MACROD2: variants seen among roughly 807,000 people sequenced by gnomAD.
The protein encoded by MACROD2 is ADP-ribose glycohydrolase MACROD2.
Under a neutral mutation model 70.4 loss-of-function variants are expected in MACROD2, and 36 were observed. The observed-to-expected ratio is 0.51, with a 90% CI of 0.39 to 0.68. The LOEUF (loss-of-function observed/expected upper bound fraction) is 0.68. Ranked by LOEUF, MACROD2 falls within the 30% of genes least tolerant of loss-of-function variation. The pLI, the probability that MACROD2 is intolerant of heterozygous loss-of-function variation, is 0.00. For missense variants in MACROD2, 496 were observed against 538.4 expected, an observed-to-expected ratio of 0.92 and a Z score of 0.78; for synonymous variants, 172 against 178.8, an observed-to-expected ratio of 0.96 and a Z score of 0.30.
At chr20:15,442,833 C>G (rs756732155) in intron 7 of MACROD2, among the ~76,000 whole-genome samples, 1 of 152,084 alleles carries the variant, frequency 6.6e-6, no homozygotes, top group Non-Finnish European at 1.5e-5. Flanking sequence ...ACTTGCTTTG[C>G]AAGAATATTT....
chr20:14,579,546 A>G lies in MACROD2; in HGVS notation c.301+86038A>G, dbSNP rs1003945993. On this transcript the variant is annotated intron_variant, in intron 4 of 17. Coordinates refer to ENST00000684519, the MANE Select transcript of MACROD2 (RefSeq NM_001351661.2). ...ACTTGCTTTGTGTGCTTTTGAGGGA[A>G]AAACCGTTTCGATATTTGAGTAATA... 3.3e-5 allele frequency among the ~76,000 whole-genome samples: 5 copies of G among 152,350 alleles called. No homozygotes were observed. The East Asian group carries it at 9.6e-4, about 29-fold the overall frequency.
At chr20:14,202,887 A>G (rs949637030) in intron 3 of MACROD2, among the ~76,000 whole-genome samples, 9 of 152,262 alleles carry the variant, frequency 5.9e-5, no homozygotes, top group Admixed American at 5.2e-4. Flanking sequence ...CGTCTCTATT[A>G]AAAATACAAA....
chr20:14,882,971 C>T (rs1389392841), intron 5 of MACROD2, among the ~76,000 whole-genome samples: 1 of 152,114 alleles, frequency 6.6e-6, no homozygotes, highest in African/African-American at 2.4e-5. Flanking sequence ...AGAATGGCCA[C>T]ATTTTTGTGA....
chr20:15,356,839 T>C lies in MACROD2; in HGVS notation c.541-74566T>C, dbSNP rs2078292794. On this transcript the variant is annotated intron_variant, in intron 6 of 17. Coordinates refer to ENST00000684519, the MANE Select transcript of MACROD2 (RefSeq NM_001351661.2). ...AAAATTTTCAGTAGGAAAATAATGATAATTTGTCCTGTAGCCAAATACTGT... is the reference window on the plus strand; with the variant it reads ...AAAATTTTCAGTAGGAAAATAATGACAATTTGTCCTGTAGCCAAATACTGT... Among the ~76,000 whole-genome samples the C allele has an allele frequency of 3.3e-5, 5 of 152,342 alleles. 1 individual carries two copies. In the South Asian group the frequency reaches 1.0e-3, roughly 32 times the overall value.
chr20:15,497,493 T>G (rs577443167), intron 7 of MACROD2, among the ~76,000 whole-genome samples: 2 of 152,278 alleles, frequency 1.3e-5, no homozygotes, highest in East Asian at 3.9e-4. Flanking sequence ...GGTTTCAGCA[T>G]CTTGGCCAGG....
chr20:15,062,129 G>T (rs1443261458), intron 5 of MACROD2, among the ~76,000 whole-genome samples: 3 of 152,152 alleles, frequency 2.0e-5, no homozygotes, highest in Non-Finnish European at 4.4e-5. Flanking sequence ...GCTTCTAGTG[G>T]AAAGGAATTT....
At chr20:15,142,497 C>A (rs1456246421) in intron 5 of MACROD2, among the ~76,000 whole-genome samples, 1 of 151,600 alleles carries the variant, frequency 6.6e-6, no homozygotes, top group Non-Finnish European at 1.5e-5. Flanking sequence ...TTGTTATTTT[C>A]CATTTTTACT....
chr20:15,337,368 T>C (rs1436917943), intron 6 of MACROD2, among the ~76,000 whole-genome samples: 1 of 151,734 alleles, frequency 6.6e-6, no homozygotes, highest in African/African-American at 2.4e-5. Flanking sequence ...CTTCTTGACA[T>C]TTACTTGAGA....
At chr20:15,767,198 T>C (rs2051542394) in intron 8 of MACROD2, among the ~76,000 whole-genome samples, 1 of 152,250 alleles carries the variant, frequency 6.6e-6, no homozygotes, top group Admixed American at 6.5e-5. Context: ...GATTTTATGT[T>C]TTCTCTTTCG....
intron 5 of MACROD2, among the ~76,000 whole-genome samples, chr20:14,990,515 C>CTTT (rs541686087): frequency 2.3e-5 from 3 of 129,350 alleles, no homozygotes; most frequent in Admixed American, 8.0e-5. Context: ...TTTTCTTTTT[C>CTTT]TTTTTTTTTT....
chr20:15,459,299 TC>T (rs2046776451), intron 7 of MACROD2, among the ~76,000 whole-genome samples: 1 of 151,986 alleles, frequency 6.6e-6, no homozygotes. Context: ...TCCTGCCCCC[TC>T]CCCGCTCTCC....
intron 5 of MACROD2, among the ~76,000 whole-genome samples, chr20:15,023,405 A>G (rs957597370): frequency 3.9e-5 from 6 of 152,122 alleles, no homozygotes; most frequent in Admixed American, 1.3e-4. Context: ...GCTCTTAAAT[A>G]TGTCTTCCCA....
intron 5 of MACROD2, among the ~76,000 whole-genome samples, chr20:14,955,132 A>ATT (rs2074521762): frequency 2.2e-5 from 1 of 46,000 alleles, no homozygotes. Flanking sequence ...TATATATTAT[A>ATT]ATTTATAAAT....
At chr20:14,476,600 G>A (rs1020867813) in intron 3 of MACROD2, among the ~76,000 whole-genome samples, 43 of 152,086 alleles carry the variant, frequency 2.8e-4, no homozygotes, top group African/African-American at 9.9e-4. Flanking sequence ...CAAGTGATCC[G>A]CCCACCTCAG....
chr20:15,405,641 C>T (rs958194473), intron 6 of MACROD2, among the ~76,000 whole-genome samples: 2 of 152,162 alleles, frequency 1.3e-5, no homozygotes, highest in African/African-American at 2.4e-5. Context: ...CTGTGGGAAT[C>T]CTGTTTCTTT....
chr20:16,039,226 G>T (rs1463022540), intron 15 of MACROD2, among the ~76,000 whole-genome samples: 1 of 151,924 alleles, frequency 6.6e-6, no homozygotes, highest in East Asian at 1.9e-4. Context: ...TTGGTAGAGG[G>T]TTAGTCTGAA....
chr20:14,448,781 G>GT (rs11483734), intron 3 of MACROD2, among the ~76,000 whole-genome samples: 39,642 of 151,932 alleles, frequency 0.26, 5,392 homozygotes, highest in Admixed American at 0.31. Context: ...CATGCAGTGC[G>GT]TTGATTGTGC....
At chr20:14,106,979 G>A (rs1029311807) in intron 3 of MACROD2, among the ~76,000 whole-genome samples, 4 of 152,074 alleles carry the variant, frequency 2.6e-5, no homozygotes, top group Non-Finnish European at 5.9e-5. Context: ...ATTCTTTAGT[G>A]CCCAGACACC....
At chr20:15,368,760 G>A (rs1451563274) in intron 6 of MACROD2, among the ~76,000 whole-genome samples, 1 of 151,984 alleles carries the variant, frequency 6.6e-6, no homozygotes, top group Admixed American at 6.6e-5. Flanking sequence ...ACCACGCCCG[G>A]CCCAATCACA....
Sources: gnomAD v4.1 joint callset for allele counts (sites outside exome capture counted in the v4.1 genomes callset) on GRCh38, gnomAD v4.1.1 for gene constraint, MANE v1.5 for transcripts, NCBI Gene and HGNC (gene_info 2026-07-23, HGNC 2026-07-21) for gene names.